Variants in PEA15 observed in about 807,000 individuals in gnomAD.
PEA15 encodes astrocytic phosphoprotein PEA-15.
For synonymous variants in PEA15, 60 were observed against 61.8 expected, an observed-to-expected ratio of 0.97 and a Z score of 0.13; for missense variants, 77 against 161.3, an observed-to-expected ratio of 0.48 and a Z score of 2.83.
chr1:160,212,904 T>G (rs1204072139), intron 2 of PEA15, among the ~76,000 whole-genome samples: 1 of 152,188 alleles, frequency 6.6e-6, no homozygotes, highest in East Asian at 1.9e-4. Context: ...ACCAACTATC[T>G]GCCCTTCCTG....
Position 160,205,395 on chromosome 1 carries a change from C to A in PEA15, c.-130C>A, listed in dbSNP as rs891059990. On this transcript the variant is annotated 5_prime_UTR_variant, in exon 1 of 4. Coordinates refer to ENST00000360472, the MANE Select transcript of PEA15 (RefSeq NM_003768.5). The surrounding 1 kb of genome is among the most constrained non-coding windows in gnomAD (Gnocchi z 5.9). ...TGGGCTCGGGCTCCGGCTCCGCGGGCGGAAGAGGCGGCGGCGGCGGCAGAA... is the reference window on the plus strand; with the variant it reads ...TGGGCTCGGGCTCCGGCTCCGCGGGAGGAAGAGGCGGCGGCGGCGGCAGAA... The A allele has an allele frequency of 2.9e-4, 55 of 187,280 alleles. No individual in the cohort carries two copies. The highest frequency in any genetic ancestry group is 1.3e-3 in the African/African-American group (54 of 41,764). 11.6% of individuals were successfully genotyped at this position (187,280 alleles called of 1,614,324 possible).
chr1:160,213,688 A>AG lies in PEA15; in HGVS notation c.*206dup. 2 of 262,682 alleles carry AG rather than the reference A, an allele frequency of 7.6e-6. No homozygotes were observed. The highest frequency in any genetic ancestry group is 1.5e-5 in the Non-Finnish European group (2 of 134,586). The allele number at this position is 262,682 out of a possible 1,614,324, so 16.3% of individuals were successfully genotyped here. A position where few individuals can be genotyped will look rare whatever the true frequency, so the allele number is the denominator to read the frequency against. On this transcript the variant is annotated 3_prime_UTR_variant, in exon 4 of 4. Coordinates refer to ENST00000360472, the MANE Select transcript of PEA15 (RefSeq NM_003768.5). This position sits in a 1 kb window ranked among gnomAD's most constrained non-coding sequence, Gnocchi z 5.3. ...CTAGCTCATCTAGTTCCTCTTCTTA[A>AG]GGGGATGGGGGTCAGGGGCTAGGGG...
chr1:160,208,485 C>A lies in PEA15; in HGVS notation c.-3+2963C>A. ...CAAGAATGGCCTCCGCCCAGACTGC[C>A]TGGTGATCCCTGAGCAGCTCTCTGC... On this transcript the variant is annotated intron_variant, in intron 1 of 3. Coordinates refer to ENST00000360472, the MANE Select transcript of PEA15 (RefSeq NM_003768.5). This position sits in a 1 kb window ranked among gnomAD's most constrained non-coding sequence, Gnocchi z 4.1. The A allele has an allele frequency of 1.1e-6, 1 of 897,964 alleles. No homozygotes were observed. Among genetic ancestry groups the A allele is most frequent in the Non-Finnish European group, 1.8e-6 (1 of 570,488 alleles). 55.6% of individuals were successfully genotyped at this position (897,964 alleles called of 1,614,324 possible).
Position 160,211,469 on chromosome 1 carries a change from G to A in PEA15, c.-2-74G>A, listed in dbSNP as rs531896630. On this transcript the variant is annotated intron_variant, in intron 1 of 3. Coordinates refer to ENST00000360472, the MANE Select transcript of PEA15 (RefSeq NM_003768.5). ...GGTAGGGCAGAGTGGGGAGTAGGAG[G>A]GTAGTGCCAGTGAGTAAACCAGACT... The A allele has an allele frequency of 1.5e-4, 221 of 1,471,066 alleles. 3 individuals are homozygous for A. The South Asian group carries it at 3.0e-3, about 20-fold the overall frequency. The allele number at this position is 1,471,066 out of a possible 1,614,324, so 91.1% of individuals were successfully genotyped here.
rs769825245 is a variant in PEA15 at position 160,213,517 on chromosome 1, C to A, written c.*31C>A. ...GGGGAGGAAGAGGAGGAAGGTTGGACCTTCATCAGACCACTCCCTTCCCCC... is the reference window on the plus strand; with the variant it reads ...GGGGAGGAAGAGGAGGAAGGTTGGAACTTCATCAGACCACTCCCTTCCCCC... On this transcript the variant is annotated 3_prime_UTR_variant, in exon 4 of 4. Transcript: ENST00000360472. The surrounding 1 kb of genome is among the most constrained non-coding windows in gnomAD (Gnocchi z 5.3). The A allele has an allele frequency of 6.3e-7, 1 of 1,596,964 alleles. No individual in the cohort carries two copies. The highest frequency in any genetic ancestry group is 2.2e-5 in the East Asian group (1 of 44,790).
At position 160,213,399 on chromosome 1, in the gene PEA15, G is replaced by A; in HGVS notation, c.329-23G>A. On this transcript the variant is annotated intron_variant, in intron 3 of 3. Transcript: ENST00000360472. This position sits in a 1 kb window ranked among gnomAD's most constrained non-coding sequence, Gnocchi z 5.3. The stretch of plus-strand genomic sequence containing the variant: ...GGCATCTCCCACACTGCTGTCCCTG[G>A]ACACATACCTTTTTGCCCCCAGACA... The A allele has an allele frequency of 6.2e-7, 1 of 1,614,014 alleles. No individual in the cohort carries two copies. The highest frequency in any genetic ancestry group is 1.1e-5 in the South Asian group (1 of 91,060).
At position 160,213,713 on chromosome 1, in the gene PEA15, G is replaced by A; in HGVS notation, c.*227G>A. On this transcript the variant is annotated 3_prime_UTR_variant, in exon 4 of 4. Coordinates refer to ENST00000360472, the MANE Select transcript of PEA15 (RefSeq NM_003768.5). The surrounding 1 kb of genome is among the most constrained non-coding windows in gnomAD (Gnocchi z 5.3). ...AGGGGATGGGGGTCAGGGGCTAGGG[G>A]AGGGGGCTGAGTTTCCCCACTTTAG... 9.6e-6 allele frequency: 3 copies of A among 311,012 alleles called. No individual in the cohort carries two copies. Among genetic ancestry groups the A allele is most frequent in the South Asian group, 2.6e-5 (1 of 38,890 alleles). 19.3% of individuals were successfully genotyped at this position (311,012 alleles called of 1,614,324 possible). A position where few individuals can be genotyped will look rare whatever the true frequency, so the allele number is the denominator to read the frequency against.
chr1:160,211,911 A>G (rs1488379521), intron 2 of PEA15, among the ~76,000 whole-genome samples, 195 bp downstream of exon 2: 3 of 152,310 alleles, frequency 2.0e-5, no homozygotes, highest in South Asian at 4.1e-4. Context: ...TGTTATTCAG[A>G]TACTCCTGTG....
Position 160,208,867 on chromosome 1 carries a change from A to T in PEA15, c.-2-2676A>T. 2.2e-4 allele frequency: 109 copies of T among 495,754 alleles called. No homozygotes were observed. The highest frequency in any genetic ancestry group is 5.9e-4 in the Middle Eastern group (1 of 1,700). The allele number at this position is 495,754 out of a possible 1,614,324, so 30.7% of individuals were successfully genotyped here. On this transcript the variant is annotated intron_variant, in intron 1 of 3. Transcript: ENST00000360472. This position sits in a 1 kb window ranked among gnomAD's most constrained non-coding sequence, Gnocchi z 4.1. ...ACCATTCCCTACACTCCTCCCATCT[A>T]GTGGTGTCATCCTAACGACTGGGGG...
In PEA15 at chr1:160,208,704, C is replaced by G. The variant is rs1357511066; in HGVS notation, c.-2-2839C>G. The G allele has an allele frequency of 1.3e-6, 2 of 1,483,626 alleles. No homozygotes were observed. Among genetic ancestry groups the G allele is most frequent in the African/African-American group, 1.4e-5 (1 of 71,762 alleles). The allele number at this position is 1,483,626 out of a possible 1,614,324, so 91.9% of individuals were successfully genotyped here. ...TCAGTGAGAATTGAGAGCAGTTCCC[C>G]TAAACAACACTCCCTTTGCTTCTTC... On this transcript the variant is annotated intron_variant, in intron 1 of 3. Coordinates refer to ENST00000360472, the MANE Select transcript of PEA15 (RefSeq NM_003768.5). This position sits in a 1 kb window ranked among gnomAD's most constrained non-coding sequence, Gnocchi z 4.1.
chr1:160,211,714 A>G lies in PEA15; in HGVS notation c.170A>G (p.Lys57Arg). 6.2e-7 allele frequency: 1 copy of G among 1,612,974 alleles called. No individual in the cohort carries two copies. Among genetic ancestry groups the G allele is most frequent in the Non-Finnish European group, 8.5e-7 (1 of 1,179,208 alleles). Residue 57 changes from lysine (K) to arginine (R), a missense_variant and splice_region_variant, in exon 2 of 4, where the codon AAA becomes AGA. Physicochemically the swap from Lys to Arg is conservative, Grantham distance 26 (BLOSUM62 2). Transcript: ENST00000360472. The part of the protein sequence containing the change: ...SFLESHNKLD[K>R]DNLSYIEHIF... ...CTGGAGAGCCACAACAAGCTGGACA[A>G]AGGTGGGGGAGGGGAGCACAGGGGT... is the stretch of plus-strand genomic sequence containing the variant.
rs1482936661 is a variant in PEA15 at position 160,213,352 on chromosome 1, C to G, written c.329-70C>G. The G allele has an allele frequency of 1.9e-6, 3 of 1,608,906 alleles. No homozygotes were observed. Among genetic ancestry groups the G allele is most frequent in the Admixed American group, 3.3e-5 (2 of 60,018 alleles). ...TACTTGAGTTTTGGGAGAGTGGAGG[C>G]AGATGCCCAATGGGCCTGCCTGGCA... On this transcript the variant is annotated intron_variant, in intron 3 of 3. Transcript: ENST00000360472. This position sits in a 1 kb window ranked among gnomAD's most constrained non-coding sequence, Gnocchi z 5.3.
At position 160,213,216 on chromosome 1, in the gene PEA15, T is replaced by C; in HGVS notation, c.279T>C (p.Asp93=). The C allele has an allele frequency of 6.2e-7, 1 of 1,614,068 alleles. No homozygotes were observed. The highest frequency in any genetic ancestry group is 1.1e-5 in the South Asian group (1 of 91,068). ...GTGTGCTGAAGATCTCTGAGGAGGA[T>C]GAGCTGGACACCAAGCTAACCCGTA... ...RTRVLKISEE[D]ELDTKLTRIP... The change falls in exon 3 of 4, where the codon GAT becomes GAC. Residue 93 remains aspartate (D), a synonymous_variant. Coordinates refer to ENST00000360472, the MANE Select transcript of PEA15 (RefSeq NM_003768.5). This position sits in a 1 kb window ranked among gnomAD's most constrained non-coding sequence, Gnocchi z 5.3.
Position 160,213,011 on chromosome 1 carries a change from G to A in PEA15, c.173-99G>A, listed in dbSNP as rs1654939780. On this transcript the variant is annotated intron_variant, in intron 2 of 3. Transcript: ENST00000360472. This position sits in a 1 kb window ranked among gnomAD's most constrained non-coding sequence, Gnocchi z 5.3. ...AGTGTTGTACCCTCCCATAACCAAT[G>A]TCAGCAACTCAGCTTTGGTTCCAGG... The A allele has an allele frequency of 7.3e-6, 9 of 1,229,176 alleles. No individual in the cohort carries two copies. The highest frequency in any genetic ancestry group is 5.1e-5 in the South Asian group (4 of 77,826). The allele number at this position is 1,229,176 out of a possible 1,614,324, so 76.1% of individuals were successfully genotyped here. A position where few individuals can be genotyped will look rare whatever the true frequency, so the allele number is the denominator to read the frequency against.
chr1:160,211,452 A>G (rs1412158064), intron 1 of PEA15, 91 bp from the exon 2 acceptor site: 2 of 1,423,774 alleles, frequency 1.4e-6, no homozygotes, highest in African/African-American at 2.8e-5. Context: ...CTGGTAGGGC[A>G]GAGTGGGGAG....
At chr1:160,211,324 G>A in intron 1 of PEA15, 2 of 1,241,090 alleles carry the variant, frequency 1.6e-6, no homozygotes, top group Non-Finnish European at 2.0e-6. Flanking sequence ...GGTATGACTT[G>A]TCACTCTAGG....
chr1:160,206,957 A>G (rs545404094), intron 1 of PEA15, among the ~76,000 whole-genome samples: 1 of 152,292 alleles, frequency 6.6e-6, no homozygotes, highest in Admixed American at 6.5e-5. Context: ...TTCCGTGCCC[A>G]TCATGTGTGG....
Position 160,213,058 on chromosome 1 carries a change from G to T in PEA15, c.173-52G>T. 1 of 1,595,774 alleles carries T rather than the reference G, an allele frequency of 6.3e-7. No homozygotes were observed. Among genetic ancestry groups the T allele is most frequent in the South Asian group, 1.1e-5 (1 of 90,136 alleles). On this transcript the variant is annotated intron_variant, in intron 2 of 3. Transcript: ENST00000360472. This position sits in a 1 kb window ranked among gnomAD's most constrained non-coding sequence, Gnocchi z 5.3. ...CAGGTCACTAGTCTGGTGGAGTAGG[G>T]GAAGCTGACCTCTACAGCCTAGCTC...
In PEA15 at chr1:160,213,279, C is replaced by G. The variant is rs756605507; in HGVS notation, c.328+14C>G. 6.2e-7 allele frequency: 1 copy of G among 1,614,164 alleles called. No homozygotes were observed. Among genetic ancestry groups the G allele is most frequent in the Admixed American group, 1.7e-5 (1 of 60,028 alleles). On this transcript the variant is annotated intron_variant, in intron 3 of 3. Transcript: ENST00000360472. The surrounding 1 kb of genome is among the most constrained non-coding windows in gnomAD (Gnocchi z 5.3). ...AGAAGTACAAAGGTAAGCGGCCACTCCTTTAACTAGCTGCACCTCTGCCTC... is the reference window on the plus strand; with the variant it reads ...AGAAGTACAAAGGTAAGCGGCCACTGCTTTAACTAGCTGCACCTCTGCCTC...
Sources: gnomAD v4.1 joint callset for allele counts (sites outside exome capture counted in the v4.1 genomes callset) on GRCh38, gnomAD v4.1.1 for gene constraint, Gnocchi (gnomAD v3.1) non-coding constraint, MANE v1.5 for transcripts, NCBI Gene and HGNC (gene_info 2026-07-23, HGNC 2026-07-21) for gene names.